The following RAPGEF5 variants were observed in gnomAD, a reference collection of about 807,000 sequenced individuals.
RAPGEF5 encodes the protein Rap guanine nucleotide exchange factor 5, also known as M-Ras-regulated GEF.
Under a neutral mutation model 125.2 loss-of-function variants are expected in RAPGEF5, and 65 were observed. The observed-to-expected ratio is 0.52, with a 90% CI of 0.43 to 0.64. RAPGEF5 has a LOEUF of 0.64. Among genes scored for constraint, RAPGEF5 ranks in the 30% least tolerant of loss-of-function variants. The pLI is 0.00. For missense variants in RAPGEF5, 958 were observed against 1,048.1 expected (o/e 0.91, Z 1.19); for synonymous variants, 391 against 385.9 (o/e 1.01, Z -0.16).
intron 1 of RAPGEF5, among the ~76,000 whole-genome samples, chr7:22,340,001 TA>T: frequency 6.6e-6 from 1 of 152,162 alleles, no homozygotes; most frequent in South Asian, 2.1e-4. Context: ...TGTGAGAACT[TA>T]AATATTCTAA....
intron 7 of RAPGEF5, among the ~76,000 whole-genome samples, chr7:22,232,409 G>A (rs778347574): frequency 6.6e-6 from 1 of 151,064 alleles, no homozygotes; most frequent in South Asian, 2.1e-4. Context: ...TCCACCTCCC[G>A]GGTTCAAGCG....
At chr7:22,283,092 G>A (rs1453445968) in intron 6 of RAPGEF5, among the ~76,000 whole-genome samples, 1 of 150,744 alleles carries the variant, frequency 6.6e-6, no homozygotes, top group Non-Finnish European at 1.5e-5. Context: ...AACCTAGCAA[G>A]TAATAATAAT....
At chr7:22,122,602 G>A (rs1782614529) in intron 25 of RAPGEF5, 81 bp from the exon 26 acceptor site, 1 of 1,017,364 alleles carries the variant, frequency 9.8e-7, no homozygotes, top group African/African-American at 1.6e-5. Flanking sequence ...CCCACACTAA[G>A]GCTGAGTAAA....
At chr7:22,181,533 G>A (rs1201075253) in intron 11 of RAPGEF5, among the ~76,000 whole-genome samples, 1 of 151,986 alleles carries the variant, frequency 6.6e-6, no homozygotes, top group Non-Finnish European at 1.5e-5. Flanking sequence ...AGACAAGAAC[G>A]CCAAGTCCAA....
Position 22,162,498 on chromosome 7 carries a change from C to A in RAPGEF5, c.1327G>T (p.Val443Phe), listed in dbSNP as rs374412138. Residue 443 changes from valine to phenylalanine, a missense_variant, in exon 13 of 26, where the codon GTT becomes TTT. Transcript: ENST00000665637. ...AAGACTTTACGTTTCCTACGCGGAA[C>A]GTCTGAGTTTTCCTCTTTGCCTTGA... ...KYQGKEENSDVPRRKRKVLHL... is the reference protein window; with the variant it reads ...KYQGKEENSDFPRRKRKVLHL... 1 of 1,609,448 alleles carries A rather than the reference C, an allele frequency of 6.2e-7. No individual in the cohort carries two copies. The highest frequency in any genetic ancestry group is 1.7e-5 in the Admixed American group (1 of 59,988).
Position 22,308,496 on chromosome 7 carries a change from G to C in RAPGEF5, c.523C>G (p.Leu175Val), listed in dbSNP as rs1253449835. The C allele has an allele frequency of 6.5e-7, 1 of 1,550,120 alleles. No homozygotes were observed. The highest frequency in any genetic ancestry group is 8.7e-7 in the Non-Finnish European group (1 of 1,145,654). Residue 175 changes from leucine (L) to valine (V), a missense_variant, in exon 5 of 26, where the codon CTA (leucine) becomes GTA (valine). Transcript: ENST00000665637. ...AAAACATAAGTATCTTGAAAGTATAGATGCTGGTCCACTGTTTGAAACAAA... is the reference window on the plus strand; with the variant it reads ...AAAACATAAGTATCTTGAAAGTATACATGCTGGTCCACTGTTTGAAACAAA... ...MGIMLSVDQH[L>V]YFQDTYVFYQ...
At chr7:22,134,406 T>TAAAA (rs1379804755) in intron 23 of RAPGEF5, among the ~76,000 whole-genome samples, 1 of 152,086 alleles carries the variant, frequency 6.6e-6, no homozygotes, top group South Asian at 2.1e-4. Context: ...GTGTTTTCAG[T>TAAAA]AAAAAAAGGG....
intron 7 of RAPGEF5, among the ~76,000 whole-genome samples, chr7:22,242,750 G>A (rs1006836863): frequency 1.3e-5 from 2 of 151,968 alleles, no homozygotes; most frequent in Non-Finnish European, 2.9e-5. Flanking sequence ...ACAGGAGTTC[G>A]AGACCAGCCT....
intron 20 of RAPGEF5, 47 bp from the exon 21 acceptor site, chr7:22,140,162 C>T: frequency 2.0e-6 from 3 of 1,480,018 alleles, no homozygotes; most frequent in Non-Finnish European, 2.8e-6. Flanking sequence ...AACATTCTTT[C>T]CCCAGATAAT....
intron 11 of RAPGEF5, among the ~76,000 whole-genome samples, chr7:22,170,501 G>C (rs1246718144): frequency 6.6e-6 from 1 of 152,084 alleles, no homozygotes; most frequent in Non-Finnish European, 1.5e-5. Context: ...GACTCTTTGG[G>C]GTGTTCTTAC....
intron 9 of RAPGEF5, among the ~76,000 whole-genome samples, chr7:22,199,024 GCTGA>G (rs1226985817): frequency 2.0e-5 from 3 of 152,208 alleles, no homozygotes; most frequent in African/African-American, 7.2e-5. Context: ...TTTCCCTCGT[GCTGA>G]CTGACAGTGC....
rs190650899 is a variant in RAPGEF5, at chr7:22,264,918, G to A, written c.796+2046C>T. ...TGTACATTTGTCTCTTTATCATGAC[G>A]AGAATCAAGATCAGCTCCAGCAAAA... On this transcript the variant is annotated intron_variant, in intron 7 of 25. Coordinates refer to ENST00000665637, the MANE Select transcript of RAPGEF5 (RefSeq NM_012294.5). Among the ~76,000 whole-genome samples the A allele has an allele frequency of 2.3e-3, 354 of 152,188 alleles. 2 individuals carry two copies. Among genetic ancestry groups the A allele is most frequent in the South Asian group, 0.018 (86 of 4,818 alleles).
intron 7 of RAPGEF5, among the ~76,000 whole-genome samples, chr7:22,233,423 GT>G (rs1187276696): frequency 1.3e-5 from 2 of 152,166 alleles, no homozygotes; most frequent in Non-Finnish European, 2.9e-5. Flanking sequence ...CTGAATTCAT[GT>G]TTTTGGTTTT....
chr7:22,266,989 A>T lies in RAPGEF5; in HGVS notation c.771T>A (p.Val257=), dbSNP rs1245432355. Residue 257 remains valine, a synonymous_variant, in exon 7 of 26, where the codon GTT becomes GTA. Coordinates refer to ENST00000665637, the MANE Select transcript of RAPGEF5 (RefSeq NM_012294.5). The part of the protein sequence containing the change: ...TSAVQRELAA[V]IALKARKSAI... ...CAGACTTCCTTGCTTTCAAAGCAATAACAGCTGCTAGCTCTCTCTGCACCT... is the reference window on the plus strand; with the variant it reads ...CAGACTTCCTTGCTTTCAAAGCAATTACAGCTGCTAGCTCTCTCTGCACCT... 6.2e-7 allele frequency: 1 copy of T among 1,611,132 alleles called. No individual in the cohort carries two copies. Among genetic ancestry groups the T allele is most frequent in the East Asian group, 2.2e-5 (1 of 44,792 alleles).
chr7:22,285,137 C>T (rs1280518303), intron 6 of RAPGEF5, among the ~76,000 whole-genome samples: 1 of 152,170 alleles, frequency 6.6e-6, no homozygotes, highest in Non-Finnish European at 1.5e-5. Context: ...ATGCAGCTGA[C>T]CGGGAGCCGC....
At position 22,308,625 on chromosome 7, in the gene RAPGEF5, A is replaced by G. The variant is rs540529922; in HGVS notation, c.512-118T>C. 81 of 817,908 alleles carry G rather than the reference A, an allele frequency of 9.9e-5. 1 individual carries two copies. The Admixed American group carries it at 1.5e-3, about 15-fold the overall frequency. The allele number at this position is 817,908 out of a possible 1,614,324, so 50.7% of individuals were successfully genotyped here. On this transcript the variant is annotated intron_variant, in intron 4 of 25. Transcript: ENST00000665637. ...GGGAGCAATCAGGGTTAAGACTATAATTATACATTCTAAGCTCATTCATGT... is the reference window on the plus strand; with the variant it reads ...GGGAGCAATCAGGGTTAAGACTATAGTTATACATTCTAAGCTCATTCATGT...
At chr7:22,124,625 A>T (rs1050035644) in intron 25 of RAPGEF5, among the ~76,000 whole-genome samples, 5 of 152,224 alleles carry the variant, frequency 3.3e-5, no homozygotes, top group African/African-American at 1.2e-4. Flanking sequence ...GAGAAGTAGG[A>T]CTCTGATTTT....
At chr7:22,160,382 T>C in intron 14 of RAPGEF5, 136 bp downstream of exon 14, 1 of 750,538 alleles carries the variant, frequency 1.3e-6, no homozygotes, top group Non-Finnish European at 2.1e-6. Flanking sequence ...AATTTACTAC[T>C]AGAAAAGCTA....
chr7:22,289,080 G>T (rs1217435911), intron 6 of RAPGEF5, among the ~76,000 whole-genome samples: 2 of 152,124 alleles, frequency 1.3e-5, no homozygotes, highest in Admixed American at 1.3e-4. Flanking sequence ...TTCAATGGTG[G>T]TTCAAGTCCA....
Sources: allele counts gnomAD v4.1 joint callset (sites outside exome capture counted in the v4.1 genomes callset), GRCh38; gene constraint gnomAD v4.1.1; transcripts MANE v1.5; gene names NCBI Gene and HGNC (gene_info 2026-07-23, HGNC 2026-07-21).